Variants in URB1 observed in about 807,000 individuals in gnomAD.
The protein encoded by URB1 is URB1 ribosome biogenesis factor.
A neutral mutation model predicts 242.3 loss-of-function variants in URB1; 197 were observed. The ratio of observed to expected loss-of-function variants is 0.81; its 90% CI spans 0.72 to 0.91. The LOEUF (loss-of-function observed/expected upper bound fraction) is 0.91. URB1 is among the 40% of genes least tolerant of loss of function. The pLI, the probability that URB1 is intolerant of heterozygous loss-of-function variation, is 0.00. For synonymous variants in URB1, 1,153 were observed against 1,201.8 expected (o/e 0.96, Z 0.84); for missense variants, 2,721 against 2,860.5 (o/e 0.95, Z 1.11).
chr21:32,344,520 T>C, intron 24 of URB1, 50 bp downstream of exon 24: 3 of 1,535,110 alleles, frequency 2.0e-6, no homozygotes, highest in South Asian at 2.5e-5. Context: ...TTGTCTAGCA[T>C]ACTCTTTCCC....
rs138485129 is a variant in URB1 at position 32,364,389 on chromosome 21, C to T, written c.1336-1060G>A. 6.0e-3 allele frequency among the ~76,000 whole-genome samples: 911 copies of T among 152,234 alleles called. 9 individuals are homozygous for T. Among genetic ancestry groups the T allele is most frequent in the African/African-American group, 0.021 (884 of 41,542 alleles). On this transcript the variant is annotated intron_variant, in intron 10 of 38. Coordinates refer to ENST00000382751, the MANE Select transcript of URB1 (RefSeq NM_014825.3). Reference sequence around the variant, plus strand: ...TCACATAATCCCCAGGAGAGCCCTCCGACACTGAGATCTGAAAAGCCCTGG... The same window carrying T: ...TCACATAATCCCCAGGAGAGCCCTCTGACACTGAGATCTGAAAAGCCCTGG...
Position 32,385,562 on chromosome 21 carries a change from T to C in URB1, c.265A>G (p.Lys89Glu). 1 of 1,552,146 alleles carries C rather than the reference T, an allele frequency of 6.4e-7. No homozygotes were observed. Residue 89 changes from lysine (K) to glutamate (E), a missense_variant, in exon 2 of 39, where the codon AAA becomes GAA. Physicochemically the swap from Lys to Glu is moderately conservative, Grantham distance 56 (BLOSUM62 1). Coordinates refer to ENST00000382751, the MANE Select transcript of URB1 (RefSeq NM_014825.3). ...CAACTTACTTCACTTTCAGGTCGTT[T>C]CTCTCCACTTAGGAGCTGGAAAATT... ...VEIFQLLSGE[K>E]RPESETMLIF...
chr21:32,354,124 T>C lies in URB1; in HGVS notation c.2246-21A>G, dbSNP rs987484944. ...AACATCTGAGACAGAAAGAGGAGAA[T>C]CCAGCTGATGTGAGAGCCACTGAAG... is the stretch of plus-strand genomic sequence containing the variant. On this transcript the variant is annotated intron_variant, in intron 17 of 38. Transcript: ENST00000382751. 1.2e-5 allele frequency: 19 copies of C among 1,551,136 alleles called. No homozygotes were observed. In the African/African-American group the frequency reaches 2.2e-4, roughly 18 times the overall value.
chr21:32,370,185 T>C (rs1378787349), intron 8 of URB1, among the ~76,000 whole-genome samples: 1 of 152,106 alleles, frequency 6.6e-6, no homozygotes, highest in Non-Finnish European at 1.5e-5. Flanking sequence ...CTCTGTCTCA[T>C]GTGCACGACA....
intron 10 of URB1, among the ~76,000 whole-genome samples, chr21:32,364,967 G>A (rs1043918623): frequency 1.8e-4 from 28 of 152,378 alleles, no homozygotes; most frequent in African/African-American, 5.0e-4. Context: ...AGCCAACAGC[G>A]GGAGAGGAGG....
At chr21:32,323,590 A>G (rs1433511730) in intron 32 of URB1, among the ~76,000 whole-genome samples, 2 of 152,228 alleles carry the variant, frequency 1.3e-5, no homozygotes, top group Admixed American at 6.5e-5. Context: ...GAGCCTAAGC[A>G]TGAATCAATG....
At chr21:32,378,196 T>C (rs1276860904) in intron 5 of URB1, among the ~76,000 whole-genome samples, 1 of 152,226 alleles carries the variant, frequency 6.6e-6, no homozygotes, top group African/African-American at 2.4e-5. Context: ...ATTTATCCTC[T>C]GTGACGGCAT....
chr21:32,363,233 C>T lies in URB1; in HGVS notation c.1432G>A (p.Val478Met), dbSNP rs745948405. 12 of 1,552,018 alleles carry T rather than the reference C, an allele frequency of 7.7e-6. No individual in the cohort carries two copies. The East Asian group carries it at 9.8e-5, about 13-fold the overall frequency. ...GTGTACACGCCTGATTCCTGCCACA[C>T]CTCTTTATTCAGGCAGTGGTCAACA... ...KTVDHCLNKE[V>M]WQESGVYTAV... Residue 478 changes from valine (V) to methionine (M), a missense_variant, in exon 11 of 39, where the codon GTG becomes ATG. By Grantham distance (21) the Val-to-Met change is conservative. Coordinates refer to ENST00000382751, the MANE Select transcript of URB1 (RefSeq NM_014825.3).
chr21:32,370,258 A>G (rs2033392664), intron 8 of URB1, among the ~76,000 whole-genome samples: 1 of 152,158 alleles, frequency 6.6e-6, no homozygotes, highest in Admixed American at 6.5e-5. Flanking sequence ...TAAAACTACA[A>G]TGCTATATGA....
intron 8 of URB1, 66 bp from the exon 9 acceptor site, chr21:32,368,664 G>C: frequency 7.4e-7 from 1 of 1,359,458 alleles, no homozygotes; most frequent in Non-Finnish European, 9.9e-7. Flanking sequence ...AGAGCTCATG[G>C]TGACGTGCAG....
intron 2 of URB1, among the ~76,000 whole-genome samples, chr21:32,384,844 G>C (rs562900802): frequency 6.6e-6 from 1 of 152,314 alleles, no homozygotes; most frequent in African/African-American, 2.4e-5. Flanking sequence ...AGCCAGGCGT[G>C]GTGGCGGGCG....
At position 32,353,913 on chromosome 21, in the gene URB1, T is replaced by C. The variant is rs1479442724; in HGVS notation, c.2416+20A>G. 3 of 1,550,576 alleles carry C rather than the reference T, an allele frequency of 1.9e-6. No homozygotes were observed. Among genetic ancestry groups the C allele is most frequent in the Non-Finnish European group, 2.6e-6 (3 of 1,146,498 alleles). ...TAGCCGGCCAGGTGCAGCCAAGACA[T>C]CCTGACTATACATAGGTACCTGCTT... On this transcript the variant is annotated intron_variant, in intron 18 of 38. Coordinates refer to ENST00000382751, the MANE Select transcript of URB1 (RefSeq NM_014825.3).
rs1453643347 is a variant in URB1, at chr21:32,372,522, A to G, written c.986T>C (p.Leu329Ser). The change falls in exon 8 of 39, where the codon TTG becomes TCG. Residue 329 changes from leucine to serine, a missense_variant. Transcript: ENST00000382751. ...TATACTTTACCTGCCAAAGGTACCC[A>G]AAGATGCATCGTAAAAATTAATTCC... The part of the protein sequence containing the change: ...KHGINFYDAS[L>S]GTFGRGGNLT... 1 of 1,551,536 alleles carries G rather than the reference A, an allele frequency of 6.4e-7. No individual in the cohort carries two copies. Among genetic ancestry groups the G allele is most frequent in the Non-Finnish European group, 8.7e-7 (1 of 1,146,984 alleles).
intron 15 of URB1, among the ~76,000 whole-genome samples, chr21:32,356,727 C>G (rs191589179): frequency 3.9e-5 from 6 of 152,300 alleles, no homozygotes; most frequent in Non-Finnish European, 5.9e-5. Context: ...GGTCTGAAAG[C>G]AGAAACTCAG....
At chr21:32,319,526 C>T in intron 35 of URB1, 112 bp from the exon 36 acceptor site, 1 of 1,103,962 alleles carries the variant, frequency 9.1e-7, no homozygotes, top group Admixed American at 3.7e-5. Flanking sequence ...GCATAGTCTC[C>T]AAGTAAAAAC....
chr21:32,318,762 T>C (rs2032724858), intron 36 of URB1, among the ~76,000 whole-genome samples: 1 of 152,202 alleles, frequency 6.6e-6, no homozygotes, highest in African/African-American at 2.4e-5. Flanking sequence ...TACTGAAACA[T>C]TCCAGAGAAT....
chr21:32,390,668 T>C (rs2033627852), intron 1 of URB1, among the ~76,000 whole-genome samples: 1 of 152,140 alleles, frequency 6.6e-6, no homozygotes, highest in Non-Finnish European at 1.5e-5. Context: ...CACAATGAGA[T>C]ACCATCTCAC....
intron 14 of URB1, among the ~76,000 whole-genome samples, chr21:32,359,560 C>A (rs931505062): frequency 2.0e-5 from 3 of 152,210 alleles, no homozygotes; most frequent in Non-Finnish European, 4.4e-5. Context: ...CTGGACCCAG[C>A]AATGTATCTG....
At chr21:32,380,943 C>G (rs2033516268) in intron 4 of URB1, among the ~76,000 whole-genome samples, 1 of 152,180 alleles carries the variant, frequency 6.6e-6, no homozygotes, top group African/African-American at 2.4e-5. Context: ...GTCCCTCCAG[C>G]AATGAATTTA....
Sources: gnomAD v4.1 joint callset for allele counts (sites outside exome capture counted in the v4.1 genomes callset) on GRCh38, gnomAD v4.1.1 for gene constraint, MANE v1.5 for transcripts, NCBI Gene and HGNC (gene_info 2026-07-23, HGNC 2026-07-21) for gene names.